Variants in PDGFD observed in about 807,000 individuals in gnomAD.
PDGFD encodes platelet-derived growth factor D.
In PDGFD, 30 loss-of-function variants were observed where a neutral mutation model predicts 44.7. The ratio of observed to expected loss-of-function variants is 0.67; its 90% confidence interval spans 0.50 to 0.91. The LOEUF (loss-of-function observed/expected upper bound fraction) is 0.91. Ranked by LOEUF, PDGFD falls within the 40% of genes least tolerant of loss-of-function variation. The pLI is 0.00. For synonymous variants in PDGFD, 173 were observed against 168.4 expected, an observed-to-expected ratio of 1.03 and a Z score of -0.21; for missense variants, 445 against 457.8, an observed-to-expected ratio of 0.97 and a Z score of 0.25.
chr11:103,960,119 C>T (rs964185303), intron 3 of PDGFD, among the ~76,000 whole-genome samples: 8 of 152,068 alleles, frequency 5.3e-5, no homozygotes, highest in African/African-American at 1.7e-4. Flanking sequence ...TTTTTTGTAC[C>T]GTTACATCTG....
At chr11:103,995,937 G>GGA (rs1365270814) in intron 3 of PDGFD, 128 bp downstream of exon 3, 2 of 780,918 alleles carry the variant, frequency 2.6e-6, no homozygotes, top group Admixed American at 6.1e-5. Flanking sequence ...CCATAAGGTA[G>GGA]GAACAAACCA....
At chr11:104,104,494 A>G (rs1861443817) in intron 1 of PDGFD, among the ~76,000 whole-genome samples, 1 of 152,040 alleles carries the variant, frequency 6.6e-6, no homozygotes, top group Admixed American at 6.6e-5. Flanking sequence ...TTTACAATAT[A>G]TTTTTATTAT....
chr11:104,126,247 G>A (rs1022118216), intron 1 of PDGFD, among the ~76,000 whole-genome samples: 5 of 152,144 alleles, frequency 3.3e-5, no homozygotes, highest in Non-Finnish European at 5.9e-5. Context: ...CAGCCTGTAA[G>A]CTGGAGGCAC....
At chr11:104,029,565 T>C (rs1337207980) in intron 1 of PDGFD, among the ~76,000 whole-genome samples, 2 of 152,238 alleles carry the variant, frequency 1.3e-5, no homozygotes, top group Admixed American at 1.3e-4. Flanking sequence ...GACCATGTTG[T>C]TATGGTACAT....
intron 1 of PDGFD, among the ~76,000 whole-genome samples, chr11:104,017,154 T>C (rs1253207688): frequency 6.6e-6 from 1 of 152,160 alleles, no homozygotes; most frequent in Non-Finnish European, 1.5e-5. Flanking sequence ...GTGCCATCTA[T>C]ACATCAGGTA....
intron 5 of PDGFD, among the ~76,000 whole-genome samples, chr11:103,943,079 G>A (rs1858611416): frequency 6.6e-6 from 1 of 152,116 alleles, no homozygotes; most frequent in Admixed American, 6.6e-5. Flanking sequence ...TGAAAGTGCT[G>A]TGAAACATGA....
intron 6 of PDGFD, among the ~76,000 whole-genome samples, chr11:103,922,730 T>G (rs914154806): frequency 1.2e-4 from 18 of 151,788 alleles, no homozygotes; most frequent in African/African-American, 4.1e-4. Flanking sequence ...AAATAATTCC[T>G]TTTTTTTATT....
In PDGFD at chr11:103,967,931, C is replaced by A. The variant is rs370960527; in HGVS notation, c.511-20207G>T. 5.9e-5 allele frequency among the ~76,000 whole-genome samples: 9 copies of A among 152,276 alleles called. No individual in the cohort carries two copies. The East Asian group carries it at 1.2e-3, about 20-fold the overall frequency. On this transcript the variant is annotated intron_variant, in intron 3 of 6. Coordinates refer to ENST00000393158, the MANE Select transcript of PDGFD (RefSeq NM_025208.5). ...AACAGTTTGTAATTGTTGCTTACTG[C>A]AATTTTGATTACTCTTCATCCCATG...
At chr11:104,107,860 G>A (rs1009075277) in intron 1 of PDGFD, among the ~76,000 whole-genome samples, 2 of 152,036 alleles carry the variant, frequency 1.3e-5, no homozygotes, top group African/African-American at 4.8e-5. Flanking sequence ...CACATAGTAA[G>A]CTCCATATAA....
chr11:104,116,122 A>T (rs1861634156), intron 1 of PDGFD, among the ~76,000 whole-genome samples: 1 of 152,026 alleles, frequency 6.6e-6, no homozygotes, highest in Non-Finnish European at 1.5e-5. Context: ...AACATCTAGA[A>T]GGGTTTTCCA....
At chr11:104,117,413 A>T (rs2134457309) in intron 1 of PDGFD, among the ~76,000 whole-genome samples, 1 of 152,182 alleles carries the variant, frequency 6.6e-6, no homozygotes, top group South Asian at 2.1e-4. Context: ...AATAAAGGGC[A>T]TTCAAATTGG....
intron 1 of PDGFD, among the ~76,000 whole-genome samples, chr11:104,019,946 G>A (rs1234915171): frequency 2.0e-5 from 3 of 152,042 alleles, no homozygotes; most frequent in African/African-American, 7.2e-5. Context: ...ACATCTCCAT[G>A]GGGCTGCGAT....
chr11:103,927,236 T>C, intron 5 of PDGFD, 110 bp from the exon 6 acceptor site: 4 of 931,316 alleles, frequency 4.3e-6, no homozygotes, highest in Non-Finnish European at 6.6e-6. Context: ...ACTTTAATCC[T>C]GGGATTAAAT....
At chr11:104,050,769 C>G (rs1443599704) in intron 1 of PDGFD, among the ~76,000 whole-genome samples, 4 of 152,130 alleles carry the variant, frequency 2.6e-5, no homozygotes, top group Non-Finnish European at 5.9e-5. Context: ...GTCCCTCCCC[C>G]ATCTCCAGCA....
chr11:104,072,322 A>AT (rs1223909197), intron 1 of PDGFD, among the ~76,000 whole-genome samples: 2 of 151,628 alleles, frequency 1.3e-5, no homozygotes, highest in South Asian at 2.1e-4. Flanking sequence ...TCTTTGTTAA[A>AT]TTTTTTCCTG....
chr11:103,976,101 CATG>C (rs1859179897), intron 3 of PDGFD, among the ~76,000 whole-genome samples: 1 of 152,146 alleles, frequency 6.6e-6, no homozygotes, highest in Admixed American at 6.5e-5. Context: ...TGGCCATTTT[CATG>C]ATATTGACTC....
chr11:103,963,514 C>T (rs997748441), intron 3 of PDGFD, among the ~76,000 whole-genome samples: 2 of 152,050 alleles, frequency 1.3e-5, no homozygotes, highest in Admixed American at 6.6e-5. Flanking sequence ...TCTACGATAT[C>T]GTTCGTACAA....
intron 1 of PDGFD, among the ~76,000 whole-genome samples, chr11:104,138,397 GGTTAGATTAATTTTGTTTCCCA>G (rs1478814504): frequency 6.6e-6 from 1 of 152,148 alleles, no homozygotes; most frequent in East Asian, 1.9e-4. Flanking sequence ...CAACCTCCCT[GGTTAGATTAATTTTGTTTCCCA>G]GTTTTGAAAA....
intron 3 of PDGFD, among the ~76,000 whole-genome samples, chr11:103,962,827 C>T (rs910073316): frequency 6.6e-6 from 1 of 152,120 alleles, no homozygotes; most frequent in Non-Finnish European, 1.5e-5. Flanking sequence ...ATGAAACTAT[C>T]TGGCTCAGGT....
Sources: gnomAD v4.1 joint callset for allele counts (sites outside exome capture counted in the v4.1 genomes callset) on GRCh38, gnomAD v4.1.1 for gene constraint, MANE v1.5 for transcripts, NCBI Gene and HGNC (gene_info 2026-07-23, HGNC 2026-07-21) for gene names.